CADPS2: variants seen among roughly 807,000 people sequenced by gnomAD.
CADPS2 encodes calcium dependent secretion activator 2.
CADPS2 carries 93 observed loss-of-function variants against 172.5 expected under a neutral mutation model. The ratio of observed to expected loss-of-function variants is 0.54; its 90% confidence interval spans 0.46 to 0.64. The LOEUF (loss-of-function observed/expected upper bound fraction) is 0.64, where lower values mean the gene tolerates loss of function less well. Ranked by LOEUF, CADPS2 falls within the 30% of genes least tolerant of loss-of-function variation. The probability of loss-of-function intolerance (pLI) is 0.00; values close to 1 mark genes in which losing one functional copy is unlikely to be tolerated. For synonymous variants in CADPS2, 546 were observed against 555.2 expected, an observed-to-expected ratio of 0.98 and a Z score of 0.23; for missense variants, 1,420 against 1,565.9, an observed-to-expected ratio of 0.91 and a Z score of 1.57.
chr7:122,775,985 G>A (rs377604588), intron 1 of CADPS2, among the ~76,000 whole-genome samples: 1 of 151,716 alleles, frequency 6.6e-6, no homozygotes, highest in Non-Finnish European at 1.5e-5. Flanking sequence ...TTTTTTTCTA[G>A]AGAAGTTAGA....
At chr7:122,692,587 C>T (rs181270801) in intron 2 of CADPS2, among the ~76,000 whole-genome samples, 81 of 152,310 alleles carry the variant, frequency 5.3e-4, no homozygotes, top group Admixed American at 2.7e-3. Context: ...GTACCACAGC[C>T]CATGCTGCGG....
At chr7:122,356,068 G>A (rs748724337) in intron 27 of CADPS2, among the ~76,000 whole-genome samples, 1 of 151,930 alleles carries the variant, frequency 6.6e-6, no homozygotes, top group Non-Finnish European at 1.5e-5. Flanking sequence ...AACATATATT[G>A]ACACAATATT....
intron 2 of CADPS2, among the ~76,000 whole-genome samples, chr7:122,721,084 T>A (rs2090337496): frequency 6.6e-6 from 1 of 152,014 alleles, no homozygotes; most frequent in Non-Finnish European, 1.5e-5. Flanking sequence ...TCCTCTAGGT[T>A]TGCTCAACAC....
intron 1 of CADPS2, among the ~76,000 whole-genome samples, chr7:122,798,323 T>G (rs76181557): frequency 5.8e-4 from 88 of 152,202 alleles, no homozygotes; most frequent in African/African-American, 2.1e-3. Context: ...AAAATGCCAC[T>G]CTCCCTAATG....
At chr7:122,484,349 TAAACTC>T (rs890521423) in intron 11 of CADPS2, among the ~76,000 whole-genome samples, 4 of 152,066 alleles carry the variant, frequency 2.6e-5, no homozygotes, top group Non-Finnish European at 5.9e-5. Context: ...AGCCCAGAAA[TAAACTC>T]ATATGTAGTT....
At chr7:122,690,650 C>T (rs1050554196) in intron 2 of CADPS2, among the ~76,000 whole-genome samples, 4 of 152,152 alleles carry the variant, frequency 2.6e-5, no homozygotes, top group Admixed American at 2.0e-4. Flanking sequence ...CTCATGGATC[C>T]GGCCACATGG....
In CADPS2 at chr7:122,406,330, C is replaced by T. The variant is rs185732144; in HGVS notation, c.2746+1210G>A. On this transcript the variant is annotated intron_variant, in intron 20 of 29. Transcript: ENST00000449022. ...ACAACCAGAAAGATATAGCAGTGGC[C>T]TTCTGGGATGAGAGCAGCAAAAACA... is the stretch of plus-strand genomic sequence containing the variant. Among the ~76,000 whole-genome samples, 8 of 152,230 alleles carry T rather than the reference C, an allele frequency of 5.3e-5. No homozygotes were observed. In the East Asian group the frequency reaches 1.4e-3, roughly 26 times the overall value.
intron 6 of CADPS2, among the ~76,000 whole-genome samples, chr7:122,613,272 T>C (rs1357156048): frequency 2.6e-5 from 4 of 152,094 alleles, no homozygotes; most frequent in African/African-American, 9.7e-5. Flanking sequence ...GCAAATCACA[T>C]ATATGATGTG....
At chr7:122,369,093 T>G (rs2151235698) in intron 25 of CADPS2, among the ~76,000 whole-genome samples, 1 of 151,216 alleles carries the variant, frequency 6.6e-6, no homozygotes, top group African/African-American at 2.4e-5. Flanking sequence ...TGGTAAAAAT[T>G]ATTGAAGTCT....
intron 2 of CADPS2, among the ~76,000 whole-genome samples, chr7:122,719,814 A>G (rs948811700): frequency 3.3e-5 from 5 of 152,134 alleles, no homozygotes; most frequent in African/African-American, 4.8e-5. Flanking sequence ...CATGACTGAA[A>G]AAAAGGAAAA....
At chr7:122,608,544 A>T (rs2073888395) in intron 6 of CADPS2, among the ~76,000 whole-genome samples, 1 of 152,166 alleles carries the variant, frequency 6.6e-6, no homozygotes, top group South Asian at 2.1e-4. Flanking sequence ...TTGGTACTGG[A>T]GACTGTATTT....
chr7:122,444,768 G>A (rs527377470), intron 15 of CADPS2, among the ~76,000 whole-genome samples: 1 of 152,238 alleles, frequency 6.6e-6, no homozygotes, highest in South Asian at 2.1e-4. Context: ...TTCTAACAAT[G>A]TCTTTGGAAG....
intron 7 of CADPS2, among the ~76,000 whole-genome samples, chr7:122,579,179 T>C (rs555560079): frequency 6.6e-6 from 1 of 152,142 alleles, no homozygotes; most frequent in South Asian, 2.1e-4. Context: ...GTCATTAGTA[T>C]AGATTAATGG....
chr7:122,352,209 C>T (rs1344483744), intron 27 of CADPS2, among the ~76,000 whole-genome samples: 1 of 152,202 alleles, frequency 6.6e-6, no homozygotes, highest in Non-Finnish European at 1.5e-5. Flanking sequence ...GAGCTTTATA[C>T]TATTATATTC....
rs538599757 is a variant in CADPS2 at position 122,882,420 on chromosome 7, T to C, written c.339+3579A>G. 8.5e-5 allele frequency among the ~76,000 whole-genome samples: 13 copies of C among 152,194 alleles called. No homozygotes were observed. The South Asian group carries it at 2.3e-3, about 27-fold the overall frequency. On this transcript the variant is annotated intron_variant, in intron 1 of 29. Coordinates refer to ENST00000449022, the MANE Select transcript of CADPS2 (RefSeq NM_017954.11). Reference sequence around the variant, plus strand: ...AAAAAATACATAAAAACTCAAATAATGAAAAGAGCAGTGACTAGAAACCTA... The same window carrying C: ...AAAAAATACATAAAAACTCAAATAACGAAAAGAGCAGTGACTAGAAACCTA...
chr7:122,653,993 C>T (rs1053259680), intron 3 of CADPS2, among the ~76,000 whole-genome samples: 2 of 152,074 alleles, frequency 1.3e-5, no homozygotes, highest in South Asian at 2.1e-4. Context: ...AATGAAGAGT[C>T]GCATATCTCT....
intron 26 of CADPS2, 32 bp downstream of exon 26, chr7:122,360,898 G>C (rs1585256320): frequency 6.2e-7 from 1 of 1,605,880 alleles, no homozygotes; most frequent in East Asian, 2.2e-5. Flanking sequence ...ACAGTTAAAA[G>C]ACCACAGAAG....
chr7:122,395,277 C>T (rs2044922374), intron 20 of CADPS2, among the ~76,000 whole-genome samples: 2 of 152,158 alleles, frequency 1.3e-5, no homozygotes, highest in Admixed American at 6.5e-5. Context: ...TAATTCTAAA[C>T]ACAGAAGGAA....
chr7:122,581,207 A>T lies in CADPS2; in HGVS notation c.1307T>A (p.Leu436Gln), dbSNP rs1340016523. ...VKLFTESTGV[L>Q]ALEDKELGRV... ...TCCCAGTTCTTTATCTTCCAGGGCC[A>T]GAACTCCAGTGCTTTCTGTGAAGAG... is the stretch of plus-strand genomic sequence containing the variant. Residue 436 changes from leucine (L) to glutamine (Q), a missense_variant, in exon 7 of 30, where the codon CTG (leucine) becomes CAG (glutamine). By Grantham distance (113) the Leu-to-Gln change is moderately radical. Transcript: ENST00000449022. 1 of 1,613,268 alleles carries T rather than the reference A, an allele frequency of 6.2e-7. No individual in the cohort carries two copies. Among genetic ancestry groups the T allele is most frequent in the East Asian group, 2.2e-5 (1 of 44,810 alleles).
Sources: gnomAD v4.1 joint callset for allele counts (sites outside exome capture counted in the v4.1 genomes callset) on GRCh38, gnomAD v4.1.1 for gene constraint, MANE v1.5 for transcripts, NCBI Gene and HGNC (gene_info 2026-07-23, HGNC 2026-07-21) for gene names.